SPOCK1: variants seen among roughly 807,000 people sequenced by gnomAD.
SPOCK1 encodes the protein testican-1.
Under a neutral mutation model 55.3 loss-of-function variants are expected in SPOCK1, and 23 were observed. The ratio of observed to expected loss-of-function variants is 0.42; its 90% CI spans 0.30 to 0.59. The LOEUF (loss-of-function observed/expected upper bound fraction) is 0.59. SPOCK1 is among the 20% of genes least tolerant of loss of function. The pLI, the probability that SPOCK1 is intolerant of heterozygous loss-of-function variation, is 0.22. For missense variants in SPOCK1, 499 were observed against 552.5 expected, an observed-to-expected ratio of 0.90 and a Z score of 0.97; for synonymous variants, 226 against 221.0, an observed-to-expected ratio of 1.02 and a Z score of -0.20.
At chr5:137,166,081 C>A (rs921757506) in intron 3 of SPOCK1, among the ~76,000 whole-genome samples, 13 of 151,934 alleles carry the variant, frequency 8.6e-5, no homozygotes, top group African/African-American at 3.1e-4. Context: ...TAACACCAAG[C>A]AGATTAAATC....
intron 3 of SPOCK1, among the ~76,000 whole-genome samples, chr5:137,220,798 G>A (rs1205198630): frequency 6.6e-6 from 1 of 152,212 alleles, no homozygotes; most frequent in Admixed American, 6.5e-5. Flanking sequence ...ATAAGTGAAG[G>A]TTGCTAGTCT....
chr5:137,478,864 G>A (rs973923063), intron 2 of SPOCK1, among the ~76,000 whole-genome samples: 3 of 151,948 alleles, frequency 2.0e-5, no homozygotes, highest in Admixed American at 6.6e-5. Flanking sequence ...TAGGGGTAGG[G>A]GGGCAGGCAA....
intron 6 of SPOCK1, among the ~76,000 whole-genome samples, chr5:137,027,180 C>T (rs1052367192): frequency 4.6e-5 from 7 of 152,176 alleles, no homozygotes; most frequent in African/African-American, 1.2e-4. Flanking sequence ...AGTTCTGGGA[C>T]CCTGCTTCAC....
At chr5:137,373,348 A>T (rs1751243150) in intron 2 of SPOCK1, among the ~76,000 whole-genome samples, 1 of 152,228 alleles carries the variant, frequency 6.6e-6, no homozygotes, top group Non-Finnish European at 1.5e-5. Flanking sequence ...CCTAGAGTTT[A>T]AAAAGAAGAT....
intron 3 of SPOCK1, among the ~76,000 whole-genome samples, chr5:137,217,693 T>C (rs1180533280): frequency 6.6e-6 from 1 of 152,224 alleles, no homozygotes; most frequent in Non-Finnish European, 1.5e-5. Context: ...TAAGAACAGC[T>C]TGATAACATT....
At chr5:137,310,925 C>T (rs1461539328) in intron 2 of SPOCK1, among the ~76,000 whole-genome samples, 1 of 152,144 alleles carries the variant, frequency 6.6e-6, no homozygotes, top group Non-Finnish European at 1.5e-5. Flanking sequence ...ATCAATTTGA[C>T]CCTCATGACA....
intron 6 of SPOCK1, among the ~76,000 whole-genome samples, chr5:137,034,888 G>A (rs1053848360): frequency 1.3e-5 from 2 of 152,220 alleles, no homozygotes; most frequent in African/African-American, 4.8e-5. Context: ...GTGTCTAGGA[G>A]GAAAATTGGA....
Position 136,992,586 on chromosome 5 carries a change from C to G in SPOCK1, c.604G>C (p.Glu202Gln), listed in dbSNP as rs747766949. 6.2e-7 allele frequency: 1 copy of G among 1,613,664 alleles called. No individual in the cohort carries two copies. Among genetic ancestry groups the G allele is most frequent in the Non-Finnish European group, 8.5e-7 (1 of 1,179,790 alleles). Reference sequence around the variant, plus strand: ...AGCCGGGAGGCAAGGTTCCGCAACTCCTTGTCTGTGCAGGCTAGAGAAAAG... The same window carrying G: ...AGCCGGGAGGCAAGGTTCCGCAACTGCTTGTCTGTGCAGGCTAGAGAAAAG... ...KAERSACTDK[E>Q]LRNLASRLKD... The change falls in exon 7 of 11, where the codon GAG (glutamate) becomes CAG (glutamine). Residue 202 changes from glutamate to glutamine, a missense_variant. Glu to Gln is a conservative substitution (Grantham distance 29). Transcript: ENST00000394945.
chr5:137,434,183 C>T (rs577155169), intron 2 of SPOCK1, among the ~76,000 whole-genome samples: 1 of 152,274 alleles, frequency 6.6e-6, no homozygotes. Context: ...AAAAGCAGTT[C>T]GTGAACAGCC....
At chr5:137,127,976 G>T (rs1344831579) in intron 4 of SPOCK1, among the ~76,000 whole-genome samples, 1 of 152,220 alleles carries the variant, frequency 6.6e-6, no homozygotes, top group Non-Finnish European at 1.5e-5. Flanking sequence ...GAGGAAGAAT[G>T]CTATGGACAA....
chr5:137,319,921 C>G (rs923040787), intron 2 of SPOCK1, among the ~76,000 whole-genome samples: 3 of 138,434 alleles, frequency 2.2e-5, no homozygotes, highest in African/African-American at 8.0e-5. Context: ...GTCCGCAGTC[C>G]GGCCTGGGCG....
intron 3 of SPOCK1, among the ~76,000 whole-genome samples, chr5:137,202,157 C>T (rs557126576): frequency 1.2e-3 from 187 of 152,286 alleles, no homozygotes; most frequent in African/African-American, 4.3e-3. Context: ...TATGACTCGG[C>T]CTCTAGGGAC....
chr5:137,000,880 C>A (rs1019826261), intron 6 of SPOCK1, among the ~76,000 whole-genome samples: 1 of 152,014 alleles, frequency 6.6e-6, no homozygotes, highest in Non-Finnish European at 1.5e-5. Context: ...ACTAAAAATA[C>A]AAAAATTATC....
At chr5:137,041,836 C>T (rs918337767) in intron 6 of SPOCK1, among the ~76,000 whole-genome samples, 1 of 152,144 alleles carries the variant, frequency 6.6e-6, no homozygotes, top group Non-Finnish European at 1.5e-5. Context: ...GCAACAGAAA[C>T]TTTCATTTAT....
intron 2 of SPOCK1, among the ~76,000 whole-genome samples, chr5:137,420,317 A>C (rs1441923049): frequency 6.6e-6 from 1 of 152,130 alleles, no homozygotes; most frequent in Admixed American, 6.5e-5. Context: ...TCATAAAATG[A>C]GTTAGGGAGG....
At chr5:137,464,240 T>C (rs1222171923) in intron 2 of SPOCK1, among the ~76,000 whole-genome samples, 1 of 152,128 alleles carries the variant, frequency 6.6e-6, no homozygotes, top group Non-Finnish European at 1.5e-5. Flanking sequence ...AGGTTGAGGC[T>C]GCAGTGAGCC....
chr5:137,451,895 G>GACCC (rs1429228082), intron 2 of SPOCK1, among the ~76,000 whole-genome samples: 1 of 152,322 alleles, frequency 6.6e-6, no homozygotes, highest in Admixed American at 6.5e-5. Flanking sequence ...GGTAATTTTA[G>GACCC]ACCCTAAAGG....
At chr5:137,159,428 G>A (rs1754483764) in intron 3 of SPOCK1, among the ~76,000 whole-genome samples, 1 of 152,052 alleles carries the variant, frequency 6.6e-6, no homozygotes, top group Admixed American at 6.5e-5. Flanking sequence ...CACCTGAGTA[G>A]CATACACTGT....
At chr5:137,323,931 TAA>T (rs34669489) in intron 2 of SPOCK1, among the ~76,000 whole-genome samples, 19,070 of 151,984 alleles carry the variant, frequency 0.13, 1,500 homozygotes, top group East Asian at 0.24. Flanking sequence ...CTCAAAAAAT[TAA>T]AAAGAGAACT....
Sources: allele counts gnomAD v4.1 joint callset (sites outside exome capture counted in the v4.1 genomes callset), GRCh38; gene constraint gnomAD v4.1.1; transcripts MANE v1.5; gene names NCBI Gene and HGNC (gene_info 2026-07-23, HGNC 2026-07-21).